Variants in CDC42BPB observed in about 807,000 individuals in gnomAD.
CDC42BPB encodes CDC42 binding protein kinase beta.
In CDC42BPB, 37 loss-of-function variants were observed where a neutral mutation model predicts 214.9. That is an observed-to-expected ratio of 0.17 (90% confidence interval 0.13 to 0.23). The LOEUF is 0.23. Ranked by LOEUF, CDC42BPB falls within the 10% of genes least tolerant of loss-of-function variation. The probability of loss-of-function intolerance (pLI) is 1.00; values close to 1 mark genes in which losing one functional copy is unlikely to be tolerated. For synonymous variants in CDC42BPB, 931 were observed against 884.0 expected (o/e 1.05, Z -0.94); for missense variants, 1,694 against 2,227.0 (o/e 0.76, Z 4.82).
chr14:103,049,409 G>A lies in CDC42BPB; in HGVS notation c.175+7590C>T, dbSNP rs191714876. 3.3e-5 allele frequency among the ~76,000 whole-genome samples: 5 copies of A among 152,336 alleles called. No homozygotes were observed. In the East Asian group the frequency reaches 5.8e-4, roughly 18 times the overall value. On this transcript the variant is annotated intron_variant, in intron 1 of 36. Coordinates refer to ENST00000361246, the MANE Select transcript of CDC42BPB (RefSeq NM_006035.4). ...TCCAACTAGCACTGACTGCTGACAC[G>A]TCAACTTCACGTGAGAGAAATCAAC...
chr14:102,976,193 C>T (rs1893735648), intron 9 of CDC42BPB, 144 bp from the exon 10 acceptor site: 1 of 1,438,962 alleles, frequency 6.9e-7, no homozygotes, highest in Non-Finnish European at 9.1e-7. Context: ...TTTATGGAAC[C>T]AAAGTTAGAC....
chr14:103,003,011 C>T (rs1033689525), intron 4 of CDC42BPB, among the ~76,000 whole-genome samples: 2 of 152,128 alleles, frequency 1.3e-5, no homozygotes, highest in Non-Finnish European at 2.9e-5. Context: ...ACCAATGGAG[C>T]GCACAACCCA....
chr14:102,947,633 G>A (rs1303117459), intron 27 of CDC42BPB, 88 bp downstream of exon 27: 17 of 1,174,740 alleles, frequency 1.4e-5, no homozygotes, highest in Middle Eastern at 2.2e-4. Flanking sequence ...CTGGAGGTGC[G>A]CTGATGGCTG....
chr14:102,963,414 T>C (rs761913579), intron 19 of CDC42BPB: 30 of 370,084 alleles, frequency 8.1e-5, no homozygotes, highest in Non-Finnish European at 1.1e-4. Flanking sequence ...GCTCTTGACC[T>C]TCCTAATCTT....
intron 2 of CDC42BPB, among the ~76,000 whole-genome samples, chr14:103,011,619 C>G (rs777392833): frequency 6.6e-6 from 1 of 152,050 alleles, no homozygotes; most frequent in African/African-American, 2.4e-5. Flanking sequence ...GTGTCAGCAC[C>G]TGTAGTCCCA....
intron 7 of CDC42BPB, among the ~76,000 whole-genome samples, chr14:102,982,229 T>C (rs1894035366): frequency 6.6e-6 from 1 of 152,262 alleles, no homozygotes; most frequent in Non-Finnish European, 1.5e-5. Context: ...AATAAAAATA[T>C]GCTTCTACTT....
chr14:102,964,675 A>G (rs1396937009), intron 18 of CDC42BPB, 25 bp from the exon 19 acceptor site: 5 of 1,579,070 alleles, frequency 3.2e-6, no homozygotes, highest in Non-Finnish European at 4.3e-6. Flanking sequence ...ATGGCGTTAA[A>G]AATGCATTTT....
At chr14:103,010,392 G>T (rs1365407868) in intron 2 of CDC42BPB, among the ~76,000 whole-genome samples, 1 of 152,184 alleles carries the variant, frequency 6.6e-6, no homozygotes, top group African/African-American at 2.4e-5. Context: ...GGGAGCTCCG[G>T]GCACGATGGG....
At chr14:102,939,794 C>CGAGGCCCAGCAGGCCCCGT in intron 33 of CDC42BPB, 36 bp downstream of exon 33, 1 of 1,613,976 alleles carries the variant, frequency 6.2e-7, no homozygotes, top group Non-Finnish European at 8.5e-7. Flanking sequence ...CTCCCTAGAG[C>CGAGGCCCAGCAGGCCCCGT]GAGGCCCAGC....
In CDC42BPB at chr14:102,986,796, G is replaced by A. The variant is rs34984304; in HGVS notation, c.597-216C>T. 7.6e-4 allele frequency: 690 copies of A among 908,934 alleles called. 24 individuals are homozygous for A. In the East Asian group the frequency reaches 0.063, roughly 83 times the overall value. 56.3% of individuals were successfully genotyped at this position (908,934 alleles called of 1,614,324 possible). A position where few individuals can be genotyped will look rare whatever the true frequency, so the allele number is the denominator to read the frequency against. ...TCGTTTAGTCCCCAGTTACCCTGGC[G>A]AGGCCCTGTGACGATTCCTACTCGT... On this transcript the variant is annotated intron_variant, in intron 5 of 36. Coordinates refer to ENST00000361246, the MANE Select transcript of CDC42BPB (RefSeq NM_006035.4).
At chr14:102,974,731 G>A (rs926133078) in intron 11 of CDC42BPB, among the ~76,000 whole-genome samples, 2 of 152,206 alleles carry the variant, frequency 1.3e-5, no homozygotes, top group Admixed American at 1.3e-4. Flanking sequence ...GCCAAGGCAG[G>A]CGGATCACGA....
intron 1 of CDC42BPB, among the ~76,000 whole-genome samples, chr14:103,032,281 T>C (rs2139709466): frequency 6.6e-6 from 1 of 152,288 alleles, no homozygotes; most frequent in Admixed American, 6.5e-5. Flanking sequence ...GGGTGCACAC[T>C]TGGGCCTCAG....
At chr14:103,018,109 C>T (rs1886567099) in intron 1 of CDC42BPB, among the ~76,000 whole-genome samples, 1 of 152,120 alleles carries the variant, frequency 6.6e-6, no homozygotes, top group African/African-American at 2.4e-5. Flanking sequence ...AACATAGATC[C>T]CTCAAATACA....
chr14:103,000,432 A>C (rs1894926389), intron 4 of CDC42BPB, among the ~76,000 whole-genome samples: 1 of 152,276 alleles, frequency 6.6e-6, no homozygotes, highest in South Asian at 2.1e-4. Context: ...CAAAGCCCAC[A>C]GTCTGTGGAG....
At chr14:103,021,561 C>A (rs953115358) in intron 1 of CDC42BPB, among the ~76,000 whole-genome samples, 1 of 150,382 alleles carries the variant, frequency 6.6e-6, no homozygotes, top group Non-Finnish European at 1.5e-5. Flanking sequence ...CGCGTGCCTG[C>A]AGTCCCAGCT....
chr14:103,012,030 A>G lies in CDC42BPB; in HGVS notation c.267+67T>C, dbSNP rs1306305704. 7.1e-6 allele frequency: 7 copies of G among 985,056 alleles called. No homozygotes were observed. In the African/African-American group the frequency reaches 1.1e-4, roughly 16 times the overall value. The allele number at this position is 985,056 out of a possible 1,614,324, so 61.0% of individuals were successfully genotyped here. On this transcript the variant is annotated intron_variant, in intron 2 of 36. Transcript: ENST00000361246. ...CAAACCAATGTATAGGTGCACAAAA[A>G]GGTGAAATGGAAGCTGCTGATGTTT...
At chr14:102,977,055 A>T (rs947828350) in intron 9 of CDC42BPB, among the ~76,000 whole-genome samples, 2 of 152,044 alleles carry the variant, frequency 1.3e-5, no homozygotes, top group African/African-American at 4.8e-5. Flanking sequence ...AAGTATGGGG[A>T]TATCAGCCGG....
intron 1 of CDC42BPB, among the ~76,000 whole-genome samples, chr14:103,032,204 C>G (rs1390381447): frequency 6.6e-6 from 1 of 151,990 alleles, no homozygotes; most frequent in Non-Finnish European, 1.5e-5. Context: ...ACCTCTCATG[C>G]CCACCCACGA....
At chr14:102,959,194 G>T (rs1441531371) in intron 21 of CDC42BPB, among the ~76,000 whole-genome samples, 1 of 151,684 alleles carries the variant, frequency 6.6e-6, no homozygotes, top group Admixed American at 6.6e-5. Flanking sequence ...CTACTTGGGA[G>T]GCTGAGGCAG....
Sources: gnomAD v4.1 joint callset for allele counts (sites outside exome capture counted in the v4.1 genomes callset) on GRCh38, gnomAD v4.1.1 for gene constraint, MANE v1.5 for transcripts, NCBI Gene and HGNC (gene_info 2026-07-23, HGNC 2026-07-21) for gene names.